Variants in CYP27C1 observed in about 807,000 individuals in gnomAD.
CYP27C1 encodes the protein cytochrome P450 27C1.
CYP27C1 carries 29 observed loss-of-function variants against 40.6 expected under a neutral mutation model. The observed-to-expected ratio is 0.71, with a 90% CI of 0.53 to 0.97. The LOEUF (loss-of-function observed/expected upper bound fraction) is 0.97. Among genes scored for constraint, CYP27C1 ranks in the 50% least tolerant of loss-of-function variants. The probability of loss-of-function intolerance (pLI) is 0.00; values close to 1 mark genes in which losing one functional copy is unlikely to be tolerated. For synonymous variants in CYP27C1, 198 were observed against 186.8 expected (o/e 1.06, Z -0.49); for missense variants, 390 against 485.8 (o/e 0.80, Z 1.85).
chr2:127,199,411 T>A lies in CYP27C1; in HGVS notation c.1012A>T (p.Asn338Tyr), dbSNP rs1682980104. ...CCGGCCAGCAGCATCTCAGTCACGT[T>A]GGCGTAGATCTCCTGCAGCGTCAGA... The part of the protein sequence containing the change: ...QALTLQEIYA[N>Y]VTEMLLAGVD... The change falls in exon 5 of 9, where the codon AAC (asparagine) becomes TAC (tyrosine). Residue 338 changes from asparagine (N) to tyrosine (Y), a missense_variant. Asn to Tyr is a moderately radical substitution (Grantham distance 143, BLOSUM62 -2). Coordinates refer to ENST00000664447, the MANE Select transcript of CYP27C1 (RefSeq NM_001367502.1). The A allele has an allele frequency of 9.3e-6, 15 of 1,614,216 alleles. No individual in the cohort carries two copies. Among genetic ancestry groups the A allele is most frequent in the Non-Finnish European group, 1.3e-5 (15 of 1,180,032 alleles).
intron 4 of CYP27C1, among the ~76,000 whole-genome samples, 170 bp from the exon 5 acceptor site, chr2:127,199,709 T>C (rs1682988605): frequency 1.3e-5 from 2 of 152,242 alleles, no homozygotes; most frequent in Non-Finnish European, 2.9e-5. Flanking sequence ...ATACACTTGC[T>C]TATGTAAATG....
At chr2:127,188,211 G>A (rs12468441) in intron 8 of CYP27C1, among the ~76,000 whole-genome samples, 66,003 of 151,898 alleles carry the variant, frequency 0.43, 14,944 homozygotes, top group East Asian at 0.62. Context: ...GGCTGTCCCC[G>A]CCCTGCCCTT....
At chr2:127,192,077 T>G (rs938829661) in intron 8 of CYP27C1, among the ~76,000 whole-genome samples, 1 of 152,060 alleles carries the variant, frequency 6.6e-6, no homozygotes, top group Non-Finnish European at 1.5e-5. Context: ...GGTCCCTTAC[T>G]CTCCCTTCTG....
chr2:127,205,736 C>A (rs1683212416), intron 2 of CYP27C1, 164 bp downstream of exon 2: 4 of 985,530 alleles, frequency 4.1e-6, no homozygotes, highest in Non-Finnish European at 4.8e-6. Context: ...CCCAGCAGGG[C>A]TCTCATGTCT....
intron 2 of CYP27C1, among the ~76,000 whole-genome samples, chr2:127,204,611 AAG>A (rs1491374548): frequency 1.9e-5 from 2 of 103,340 alleles, no homozygotes. Context: ...GAAAGAAAGA[AAG>A]AAAGAAAGAA....
At position 127,209,375 on chromosome 2, in the gene CYP27C1, G is replaced by C. The variant is rs138673731; in HGVS notation, c.283-3285C>G. On this transcript the variant is annotated intron_variant, in intron 1 of 8. Coordinates refer to ENST00000664447, the MANE Select transcript of CYP27C1 (RefSeq NM_001367502.1). The surrounding 1 kb of genome is among the most constrained non-coding windows in gnomAD (Gnocchi z 4.1). ...CCCATCCAAGGGTCAGCAGCCTCAA[G>C]ACTGAAACTAGACAAACTCACAGAG... Among the ~76,000 whole-genome samples, 920 of 152,242 alleles carry C rather than the reference G, an allele frequency of 6.0e-3. 9 individuals are homozygous for C. The highest frequency in any genetic ancestry group is 0.021 in the African/African-American group (879 of 41,546).
chr2:127,205,598 C>G (rs1558931989), intron 2 of CYP27C1: 4 of 817,212 alleles, frequency 4.9e-6, no homozygotes, highest in Admixed American at 1.2e-4. Context: ...TTGTCTGCCT[C>G]GGTTATCACT....
At chr2:127,203,223 G>A (rs894334740) in intron 3 of CYP27C1, 149 bp downstream of exon 3, 2 of 813,926 alleles carry the variant, frequency 2.5e-6, no homozygotes, top group Non-Finnish European at 3.8e-6. Flanking sequence ...GTTCACACCA[G>A]GTTCACGTTA....
chr2:127,193,228 G>A lies in CYP27C1; in HGVS notation c.1363C>T (p.Arg455Trp), dbSNP rs772606875. ...DENFPRAKEF[R>W]PERWLRKGDL... The stretch of plus-strand genomic sequence containing the variant: ...CCTTTCCGCAGCCAGCGCTCAGGCC[G>A]GAACTCCTTGGCCCGAGGGAAGTTC... Residue 455 changes from arginine (R) to tryptophan (W), a missense_variant, in exon 8 of 9, where the codon CGG becomes TGG. Arg to Trp is a moderately radical substitution (Grantham distance 101, BLOSUM62 -3). Coordinates refer to ENST00000664447, the MANE Select transcript of CYP27C1 (RefSeq NM_001367502.1). 63 of 1,614,092 alleles carry A rather than the reference G, an allele frequency of 3.9e-5. No homozygotes were observed. The highest frequency in any genetic ancestry group is 1.5e-4 in the African/African-American group (11 of 74,934).
At chr2:127,215,268 G>C (rs1683410415) in intron 1 of CYP27C1, among the ~76,000 whole-genome samples, 2 of 152,038 alleles carry the variant, frequency 1.3e-5, no homozygotes, top group African/African-American at 4.8e-5. Flanking sequence ...TCTTTCAATA[G>C]GAAAAGGATT....
At chr2:127,192,771 G>A (rs995607772) in intron 8 of CYP27C1, among the ~76,000 whole-genome samples, 1 of 152,252 alleles carries the variant, frequency 6.6e-6, no homozygotes, top group African/African-American at 2.4e-5. Flanking sequence ...TGGAGGACAG[G>A]GTGGGCACGG....
rs1027018172 is a variant in CYP27C1 at position 127,219,301 on chromosome 2, C to T, written c.282+688G>A. ...GTCCCGCCAGCTCTCCACTCCCAGG[C>T]CCCGGCGGCGTCCACCAGGCGCCCG... On this transcript the variant is annotated intron_variant, in intron 1 of 8. Coordinates refer to ENST00000664447, the MANE Select transcript of CYP27C1 (RefSeq NM_001367502.1). This position sits in a 1 kb window ranked among gnomAD's most constrained non-coding sequence, Gnocchi z 8.7. Among the ~76,000 whole-genome samples the T allele has an allele frequency of 6.6e-6, 1 of 152,040 alleles. No individual in the cohort carries two copies. Among genetic ancestry groups the T allele is most frequent in the Non-Finnish European group, 1.5e-5 (1 of 67,990 alleles).
Position 127,195,368 on chromosome 2 carries a change from G to A in CYP27C1, c.1181C>T (p.Pro394Leu), listed in dbSNP as rs749663934. The change falls in exon 6 of 9, where the codon CCG becomes CTG. Residue 394 changes from proline (P) to leucine (L), a missense_variant. By Grantham distance (98) the Pro-to-Leu change is moderately conservative. Transcript: ENST00000664447. This position sits in a 1 kb window ranked among gnomAD's most constrained non-coding sequence, Gnocchi z 6.2. ...TTCCTTAAGGAGAGCTCTGACCAGCGGGACCTTGGGGACATCAGCTGCAGT... is the reference window on the plus strand; with the variant it reads ...TTCCTTAAGGAGAGCTCTGACCAGCAGGACCTTGGGGACATCAGCTGCAGT... ...VPTAADVPKVPLVRALLKETL... is the reference protein window; with the variant it reads ...VPTAADVPKVLLVRALLKETL... 9.9e-6 allele frequency: 16 copies of A among 1,614,122 alleles called. No individual in the cohort carries two copies. The highest frequency in any genetic ancestry group is 4.5e-5 in the East Asian group (2 of 44,878).
rs1682610852 is a variant in CYP27C1, at chr2:127,185,740, A to G, written c.*1531T>C. ...AGAGTGACTTACTAAATGGAAAAAA[A>G]ACTGTATGGTCTATATTAGTAAGAA... On this transcript the variant is annotated 3_prime_UTR_variant, in exon 9 of 9. Transcript: ENST00000664447. This position sits in a 1 kb window ranked among gnomAD's most constrained non-coding sequence, Gnocchi z 4.9. 6.6e-6 allele frequency: 1 copy of G among 152,240 alleles called. No individual in the cohort carries two copies. Among genetic ancestry groups the G allele is most frequent in the Non-Finnish European group, 1.5e-5 (1 of 68,048 alleles). The allele number at this position is 152,240 out of a possible 1,614,324, so 9.4% of individuals were successfully genotyped here.
rs78173249 is a variant in CYP27C1, at chr2:127,196,445, G to A, written c.1048-944C>T. 0.076 allele frequency among the ~76,000 whole-genome samples: 11,446 copies of A among 151,598 alleles called. 546 individuals carry two copies. The highest frequency in any genetic ancestry group is 0.14 in the African/African-American group (5,680 of 41,284). ...TATTCTCGTAGGTCCCAAGATTTTC[G>A]CTAAAATCAATAGTATCATCTATGG... is the stretch of plus-strand genomic sequence containing the variant. On this transcript the variant is annotated intron_variant, in intron 5 of 8. Transcript: ENST00000664447. This position sits in a 1 kb window ranked among gnomAD's most constrained non-coding sequence, Gnocchi z 4.5.
intron 5 of CYP27C1, among the ~76,000 whole-genome samples, chr2:127,198,822 TA>T (rs1489489615): frequency 6.6e-6 from 1 of 152,196 alleles, no homozygotes; most frequent in Non-Finnish European, 1.5e-5. Flanking sequence ...AAATACACTC[TA>T]AGATGTTCAC....
intron 2 of CYP27C1, among the ~76,000 whole-genome samples, chr2:127,204,014 C>T (rs553207143): frequency 2.6e-5 from 4 of 151,720 alleles, no homozygotes; most frequent in African/African-American, 9.7e-5. Context: ...CCTGTAATCC[C>T]AGCACTTTAG....
At chr2:127,189,181 G>T (rs56743667) in intron 8 of CYP27C1, among the ~76,000 whole-genome samples, 1 of 80,400 alleles carries the variant, frequency 1.2e-5, no homozygotes. Flanking sequence ...CCCCCCCTCC[G>T]CCCCCCTACA....
At position 127,220,024 on chromosome 2, in the gene CYP27C1, A is replaced by G. The variant is rs1264293633; in HGVS notation, c.247T>C (p.Cys83Arg). ...RTLANLAEFF[C>R]RDGFSRIHEI... Reference sequence around the variant, plus strand: ...TGGATGCGGCTGAAGCCGTCCCTGCAGAAGAACTCCGCCAGGTTGGCGAGG... The same window carrying G: ...TGGATGCGGCTGAAGCCGTCCCTGCGGAAGAACTCCGCCAGGTTGGCGAGG... The change falls in exon 1 of 9, where the codon TGC (cysteine) becomes CGC (arginine). Residue 83 changes from cysteine (C) to arginine (R), a missense_variant. Coordinates refer to ENST00000664447, the MANE Select transcript of CYP27C1 (RefSeq NM_001367502.1). The surrounding 1 kb of genome is among the most constrained non-coding windows in gnomAD (Gnocchi z 4.6). The G allele has an allele frequency of 6.6e-6, 1 of 151,908 alleles. No homozygotes were observed. Among genetic ancestry groups the G allele is most frequent in the Non-Finnish European group, 1.5e-5 (1 of 67,934 alleles). 9.4% of individuals were successfully genotyped at this position (151,908 alleles called of 1,614,324 possible).
Sources: allele counts gnomAD v4.1 joint callset (sites outside exome capture counted in the v4.1 genomes callset), GRCh38; gene constraint gnomAD v4.1.1; non-coding constraint Gnocchi (gnomAD v3.1); transcripts MANE v1.5; gene names NCBI Gene and HGNC (gene_info 2026-07-23, HGNC 2026-07-21).